EXOSC4: variants seen among roughly 807,000 people sequenced by gnomAD.
The protein encoded by EXOSC4 is exosome complex component RRP41.
A neutral mutation model predicts 20.0 loss-of-function variants in EXOSC4; 14 were observed. The observed-to-expected ratio is 0.70, with a 90% CI of 0.46 to 1.09. The LOEUF (loss-of-function observed/expected upper bound fraction) is 1.09. EXOSC4 is among the 50% of genes least tolerant of loss of function. The probability of loss-of-function intolerance (pLI) is 0.00; values close to 1 mark genes in which losing one functional copy is unlikely to be tolerated. For synonymous variants in EXOSC4, 148 were observed against 146.4 expected (o/e 1.01, Z -0.08); for missense variants, 337 against 334.0 (o/e 1.01, Z -0.07).
upstream of EXOSC4, among the ~76,000 whole-genome samples, chr8:144,075,786 G>C (rs544172291): frequency 1.3e-5 from 2 of 152,328 alleles, no homozygotes; most frequent in African/African-American, 4.8e-5. Context: ...AAATATGTCA[G>C]GCAGGTTTTC....
intron 1 of EXOSC4, 81 bp from the exon 2 acceptor site, chr8:144,079,862 G>A (rs782727971): frequency 5.2e-5 from 71 of 1,358,354 alleles, no homozygotes; most frequent in Non-Finnish European, 7.4e-5. Flanking sequence ...ATTGAAAGTG[G>A]AGGGAGAGGC....
At chr8:144,069,746 C>T in the EXOSC4 span, among the ~76,000 whole-genome samples, 1 of 152,260 alleles carries the variant, frequency 6.6e-6, no homozygotes, top group Non-Finnish European at 1.5e-5. Context: ...GATTGGAAAG[C>T]TTTCCAACCA....
At chr8:144,072,781 C>T in the EXOSC4 span, among the ~76,000 whole-genome samples, 17 of 152,326 alleles carry the variant, frequency 1.1e-4, no homozygotes, top group African/African-American at 3.8e-4. Context: ...ATTTTCTTTA[C>T]CCATTCATCC....
At chr8:144,073,318 G>A in the EXOSC4 span, among the ~76,000 whole-genome samples, 3 of 152,046 alleles carry the variant, frequency 2.0e-5, no homozygotes, top group South Asian at 6.2e-4. Context: ...CCCAGGAGGC[G>A]AAGATTGCAG....
rs1554763297 is a variant in EXOSC4, at chr8:144,080,283, T to C, written c.420T>C (p.Asn140=). ...GTGGGACCTATGCAGCTTGTGTGAATGCAGCCACGCTGGCAGTGCTGGATG... is the reference window on the plus strand; with the variant it reads ...GTGGGACCTATGCAGCTTGTGTGAACGCAGCCACGCTGGCAGTGCTGGATG... ...ADGGTYAACV[N]AATLAVLDAG... is the part of the protein sequence containing the mutation. The change falls in exon 3 of 3, where the codon AAT becomes AAC. Residue 140 remains asparagine, a synonymous_variant. Transcript: ENST00000316052. The surrounding 1 kb of genome is among the most constrained non-coding windows in gnomAD (Gnocchi z 4.9). 8 of 1,613,812 alleles carry C rather than the reference T, an allele frequency of 5.0e-6. No homozygotes were observed. The East Asian group carries it at 1.8e-4, about 36-fold the overall frequency.
chr8:144,070,696 C>T, the EXOSC4 span, among the ~76,000 whole-genome samples: 9 of 151,714 alleles, frequency 5.9e-5, no homozygotes, highest in African/African-American at 7.3e-5. Flanking sequence ...GGCATGGTGG[C>T]GCACGCCTGC....
the EXOSC4 span, among the ~76,000 whole-genome samples, chr8:144,069,980 A>G: frequency 3.9e-5 from 6 of 152,346 alleles, no homozygotes; most frequent in East Asian, 1.2e-3. Flanking sequence ...GCAGTCCTTG[A>G]AACAAGGAGA....
the EXOSC4 span, among the ~76,000 whole-genome samples, chr8:144,066,816 G>A: frequency 6.6e-6 from 1 of 152,252 alleles, no homozygotes; most frequent in Admixed American, 6.5e-5. Context: ...GGCCAGGCGA[G>A]GTGGCTCATG....
the EXOSC4 span, among the ~76,000 whole-genome samples, chr8:144,066,495 G>T: frequency 7.0e-6 from 1 of 142,072 alleles, no homozygotes; most frequent in East Asian, 2.1e-4. Context: ...AGGCTGGAGT[G>T]CAATGGCACC....
At chr8:144,071,782 G>T in the EXOSC4 span, among the ~76,000 whole-genome samples, 1 of 151,948 alleles carries the variant, frequency 6.6e-6, no homozygotes, top group Non-Finnish European at 1.5e-5. Context: ...TTCAGGGCCA[G>T]CCTGGGCAAC....
Position 144,078,959 on chromosome 8 carries a change from T to A in EXOSC4, c.171+60T>A. On this transcript the variant is annotated intron_variant, in intron 1 of 2. Transcript: ENST00000316052. This position sits in a 1 kb window ranked among gnomAD's most constrained non-coding sequence, Gnocchi z 4.7. ...CGTGGGAGCTGCGGGGCAGCCGGGC[T>A]GAGCGCTGGCTCGGGGACTTGAGGG... The A allele has an allele frequency of 7.2e-7, 1 of 1,390,118 alleles. No homozygotes were observed. Among genetic ancestry groups the A allele is most frequent in the Non-Finnish European group, 9.3e-7 (1 of 1,071,038 alleles). The allele number at this position is 1,390,118 out of a possible 1,614,324, so 86.1% of individuals were successfully genotyped here. A position where few individuals can be genotyped will look rare whatever the true frequency, so the allele number is the denominator to read the frequency against.
the EXOSC4 span, among the ~76,000 whole-genome samples, chr8:144,068,658 C>A: frequency 6.6e-6 from 1 of 152,252 alleles, no homozygotes; most frequent in Admixed American, 6.5e-5. Context: ...TCAAGAAGAT[C>A]TACTAAGTCT....
the EXOSC4 span, among the ~76,000 whole-genome samples, chr8:144,068,440 C>T: frequency 2.0e-5 from 3 of 152,248 alleles, no homozygotes; most frequent in African/African-American, 7.2e-5. Context: ...TTTAGACGAA[C>T]ACGCTGCCCT....
rs201948066 is a variant in EXOSC4, at chr8:144,080,207, G to C, written c.379-35G>C. On this transcript the variant is annotated intron_variant, in intron 2 of 2. Transcript: ENST00000316052. This position sits in a 1 kb window ranked among gnomAD's most constrained non-coding sequence, Gnocchi z 4.9. Reference sequence around the variant, plus strand: ...GAAGGGTGTGATGGGGTTGGGGAGGGAGTCTGATAGACTGACACCCTGGGT... The same window carrying C: ...GAAGGGTGTGATGGGGTTGGGGAGGCAGTCTGATAGACTGACACCCTGGGT... The C allele has an allele frequency of 1.9e-6, 3 of 1,608,688 alleles. No homozygotes were observed. In the Admixed American group the frequency reaches 5.0e-5, roughly 27 times the overall value.
chr8:144,066,389 G>A, the EXOSC4 span, among the ~76,000 whole-genome samples: 1 of 151,636 alleles, frequency 6.6e-6, no homozygotes. Context: ...CAAAGTGCTG[G>A]GATTACAGGT....
rs200347210 is a variant in EXOSC4, at chr8:144,080,225, C to T, written c.379-17C>T. On this transcript the variant is annotated splice_polypyrimidine_tract_variant and intron_variant, in intron 2 of 2. Transcript: ENST00000316052. The surrounding 1 kb of genome is among the most constrained non-coding windows in gnomAD (Gnocchi z 4.9). ...GGGGAGGGAGTCTGATAGACTGACA[C>T]CCTGGGTTCCCTGCAGGTGCTACAG... 24 of 1,611,232 alleles carry T rather than the reference C, an allele frequency of 1.5e-5. No individual in the cohort carries two copies. In the African/African-American group the frequency reaches 2.4e-4, roughly 16 times the overall value.
At chr8:144,066,623 T>C in the EXOSC4 span, among the ~76,000 whole-genome samples, 1 of 151,450 alleles carries the variant, frequency 6.6e-6, no homozygotes, top group East Asian at 2.0e-4. Context: ...TTTGTATTTT[T>C]AGTAGAGACA....
chr8:144,077,674 G>A (rs1176050573), upstream of EXOSC4, among the ~76,000 whole-genome samples: 2 of 152,214 alleles, frequency 1.3e-5, no homozygotes, highest in African/African-American at 4.8e-5. Context: ...ACAGAGTGTG[G>A]CAGGAGGGAC....
chr8:144,067,018 C>A, the EXOSC4 span, among the ~76,000 whole-genome samples: 2 of 151,340 alleles, frequency 1.3e-5, no homozygotes, highest in African/African-American at 4.9e-5. Context: ...ACCTGGGAGG[C>A]AGAGGTTGTG....
Sources: allele counts gnomAD v4.1 joint callset (sites outside exome capture counted in the v4.1 genomes callset), GRCh38; gene constraint gnomAD v4.1.1; non-coding constraint Gnocchi (gnomAD v3.1); transcripts MANE v1.5; gene names NCBI Gene and HGNC (gene_info 2026-07-23, HGNC 2026-07-21).